Variants in RPS4X observed in about 807,000 individuals in gnomAD.
The protein encoded by RPS4X is small ribosomal subunit protein eS4, X isoform.
For missense variants in RPS4X, 90 were observed against 219.1 expected, an observed-to-expected ratio of 0.41 and a Z score of 3.72; for synonymous variants, 76 against 76.8, an observed-to-expected ratio of 0.99 and a Z score of 0.06.
chrX:72,275,519 C>T, intron 3 of RPS4X, 25 bp downstream of exon 3: 1 of 1,090,778 alleles, frequency 9.2e-7, no homozygotes, highest in Non-Finnish European at 1.2e-6. Context: ...CAATATGCGT[C>T]TCCAGAGTAT....
Position 72,276,174 on chromosome X carries a change from T to C in RPS4X, c.64A>G (p.Lys22Glu). ...ATACTTACAAACACACCGGTCAATT[T>C]ATCCAGCATCCAATGCTTTGGAGCT... Reference protein sequence around the residue: ...VAAPKHWMLDKLTGVFAPRPS... With the variant: ...VAAPKHWMLDELTGVFAPRPS... The change falls in exon 2 of 7, where the codon AAA becomes GAA. Residue 22 changes from lysine to glutamate, a missense_variant. Transcript: ENST00000316084. 8.3e-7 allele frequency: 1 copy of C among 1,208,098 alleles called. No homozygotes were observed.
chrX:72,274,156 C>A, intron 4 of RPS4X, 184 bp from the exon 5 acceptor site: 1 of 441,776 alleles, frequency 2.3e-6, no homozygotes, highest in Non-Finnish European at 4.0e-6. Flanking sequence ...CACCATTGCC[C>A]TCCACTCCTC....
At chrX:72,274,633 C>T in intron 4 of RPS4X, 1 of 253,118 alleles carries the variant, frequency 4.0e-6, no homozygotes, top group Non-Finnish European at 7.6e-6. Flanking sequence ...ACCTTCCCCT[C>T]CCCAAAGTAA....
Position 72,275,596 on chromosome X carries a change from A to G in RPS4X, c.210T>C (p.Ile70=). The stretch of plus-strand genomic sequence containing the variant: ...CAGTTCGGACCTTGCCATCGATTTT[A>G]ATGAACCGCTGCATGCAAATCTTCT... The part of the protein sequence containing the change: ...EVKKICMQRF[I]KIDGKVRTDI... Residue 70 remains isoleucine (I), a synonymous_variant, in exon 3 of 7, where the codon ATT becomes ATC. Transcript: ENST00000316084. The G allele has an allele frequency of 8.3e-7, 1 of 1,210,772 alleles. No individual in the cohort carries two copies.
intron 6 of RPS4X, among the ~76,000 whole-genome samples, 192 bp from the exon 7 acceptor site, chrX:72,272,964 C>T (rs1012372449): frequency 1.1e-4 from 12 of 112,017 alleles, no homozygotes; most frequent in African/African-American, 3.6e-4. Context: ...TGGGGCTGTC[C>T]TATGAAACTC....
At chrX:72,274,063 GATTA>G (rs756971490) in intron 4 of RPS4X, 91 bp from the exon 5 acceptor site, 53 of 772,664 alleles carry the variant, frequency 6.9e-5, no homozygotes, top group African/African-American at 6.1e-4. Context: ...AACTGCTGCA[GATTA>G]ATTGTGACGC....
chrX:72,274,196 C>A, intron 4 of RPS4X: 1 of 411,936 alleles, frequency 2.4e-6, no homozygotes, highest in Non-Finnish European at 4.4e-6. Context: ...GTTTCCCAGG[C>A]TCTTTAAGCC....
At chrX:72,275,813 C>G in intron 2 of RPS4X, 89 bp from the exon 3 acceptor site, 1 of 777,546 alleles carries the variant, frequency 1.3e-6, no homozygotes, top group Non-Finnish European at 1.9e-6. Flanking sequence ...AACTGAACAC[C>G]AAGACCGTCC....
At position 72,276,213 on chromosome X, in the gene RPS4X, G is replaced by C; in HGVS notation, c.25C>G (p.Leu9Val). Reference sequence around the variant, plus strand: ...TGCTTTGGAGCTGCCACCCGCTTCAGATGCTTCTTGGGACCACGAGCCTGA... The same window carrying C: ...TGCTTTGGAGCTGCCACCCGCTTCACATGCTTCTTGGGACCACGAGCCTGA... MARGPKKH[L>V]KRVAAPKHWM... Residue 9 changes from leucine (L) to valine (V), a missense_variant, in exon 2 of 7, where the codon CTG (leucine) becomes GTG (valine). Coordinates refer to ENST00000316084, the MANE Select transcript of RPS4X (RefSeq NM_001007.5). The C allele has an allele frequency of 1.7e-6, 2 of 1,210,428 alleles. No individual in the cohort carries two copies. Among genetic ancestry groups the C allele is most frequent in the Non-Finnish European group, 2.2e-6 (2 of 894,322 alleles).
At chrX:72,276,961 G>C (rs1306371200) in intron 1 of RPS4X, among the ~76,000 whole-genome samples, 1 of 112,197 alleles carries the variant, frequency 8.9e-6, no homozygotes, top group African/African-American at 3.2e-5. Context: ...CAGGACGTAT[G>C]GCCGGGTCAG....
At chrX:72,273,192 A>G (rs753916137) in intron 6 of RPS4X, 40 bp downstream of exon 6, 19 of 1,156,718 alleles carry the variant, frequency 1.6e-5, no homozygotes, top group South Asian at 1.6e-4. Context: ...CTGCATTTAC[A>G]TATTTCCTCA....
chrX:72,272,879 G>C (rs1205570387), intron 6 of RPS4X, 107 bp from the exon 7 acceptor site: 11 of 550,694 alleles, frequency 2.0e-5, no homozygotes, highest in Non-Finnish European at 3.3e-5. Context: ...GCCTGTTTGT[G>C]AGAGTGCTTG....
chrX:72,272,586 A>T lies in RPS4X; in HGVS notation c.*85T>A. ...AGGAAACTGAATTAAAAAAAAAAAC[A>T]ACCCACAAAACCAAAATGCTATTAA... On this transcript the variant is annotated 3_prime_UTR_variant, in exon 7 of 7. Coordinates refer to ENST00000316084, the MANE Select transcript of RPS4X (RefSeq NM_001007.5). 1.7e-6 allele frequency: 1 copy of T among 598,324 alleles called. No homozygotes were observed. The highest frequency in any genetic ancestry group is 2.7e-6 in the Non-Finnish European group (1 of 375,412). The allele number at this position is 598,324 out of a possible 1,213,427, so 49.3% of individuals were successfully genotyped here. A position where few individuals can be genotyped will look rare whatever the true frequency, so the allele number is the denominator to read the frequency against.
chrX:72,276,265 C>T (rs201948285), intron 1 of RPS4X, 31 bp from the exon 2 acceptor site: 8 of 1,122,266 alleles, frequency 7.1e-6, no homozygotes, highest in Middle Eastern at 5.5e-4. Flanking sequence ...TGCTGTTAAT[C>T]AGGTTTCAGA....
chrX:72,273,055 T>A (rs933103795), intron 6 of RPS4X, among the ~76,000 whole-genome samples, 177 bp downstream of exon 6: 1 of 111,660 alleles, frequency 9.0e-6, no homozygotes, highest in African/African-American at 3.3e-5. Flanking sequence ...TGAGTCAAAG[T>A]TTAGTAGTAC....
At chrX:72,273,563 G>C (rs181807897) in intron 5 of RPS4X, among the ~76,000 whole-genome samples, 174 bp from the exon 6 acceptor site, 9 of 111,661 alleles carry the variant, frequency 8.1e-5, no homozygotes, top group African/African-American at 2.9e-4. Context: ...GGCCAGGCTT[G>C]GTGGCTCACA....
chrX:72,275,527 T>C lies in RPS4X; in HGVS notation c.262+17A>G. ...CTGCCATCAATATGCGTCTCCAGAGTATTTAAAACTTCTTACCCATGAATC... is the reference window on the plus strand; with the variant it reads ...CTGCCATCAATATGCGTCTCCAGAGCATTTAAAACTTCTTACCCATGAATC... On this transcript the variant is annotated intron_variant, in intron 3 of 6. Coordinates refer to ENST00000316084, the MANE Select transcript of RPS4X (RefSeq NM_001007.5). 3 of 1,077,630 alleles carry C rather than the reference T, an allele frequency of 2.8e-6. No individual in the cohort carries two copies. The highest frequency in any genetic ancestry group is 3.1e-5 in the East Asian group (1 of 32,384). 88.8% of individuals were successfully genotyped at this position (1,077,630 alleles called of 1,213,427 possible).
chrX:72,277,110 G>A (rs2043208352), intron 1 of RPS4X, 83 bp downstream of exon 1: 7 of 1,115,541 alleles, frequency 6.3e-6, no homozygotes, highest in Non-Finnish European at 8.6e-6. Context: ...ATCCCCAGTA[G>A]GAATCCCGAA....
intron 5 of RPS4X, 86 bp from the exon 6 acceptor site, chrX:72,273,475 C>G (rs2043188969): frequency 6.7e-6 from 6 of 901,630 alleles, no homozygotes; most frequent in Non-Finnish European, 9.1e-6. Context: ...TTTATTCCTC[C>G]TTTCCCCCCA....
Sources: gnomAD v4.1 joint callset for allele counts (sites outside exome capture counted in the v4.1 genomes callset) on GRCh38, gnomAD v4.1.1 for gene constraint, MANE v1.5 for transcripts, NCBI Gene and HGNC (gene_info 2026-07-23, HGNC 2026-07-21) for gene names.